SMC2: variants seen among roughly 807,000 people sequenced by gnomAD.
SMC2 encodes the protein structural maintenance of chromosomes protein 2.
SMC2 carries 41 observed loss-of-function variants against 142.6 expected under a neutral mutation model. The ratio of observed to expected loss-of-function variants is 0.29; its 90% CI spans 0.22 to 0.37. The LOEUF (loss-of-function observed/expected upper bound fraction) is 0.37. Among genes scored for constraint, SMC2 ranks in the 10% least tolerant of loss-of-function variants. The pLI, the probability that SMC2 is intolerant of heterozygous loss-of-function variation, is 1.00. For synonymous variants in SMC2, 463 were observed against 457.5 expected, an observed-to-expected ratio of 1.01 and a Z score of -0.15; for missense variants, 1,265 against 1,373.7, an observed-to-expected ratio of 0.92 and a Z score of 1.25.
intron 22 of SMC2, among the ~76,000 whole-genome samples, chr9:104,132,501 T>G (rs898501990): frequency 6.6e-6 from 1 of 152,110 alleles, no homozygotes; most frequent in Non-Finnish European, 1.5e-5. Flanking sequence ...GATAATTCCT[T>G]AGCCTCTCAT....
intron 3 of SMC2, 46 bp from the exon 4 acceptor site, chr9:104,098,400 A>C: frequency 6.7e-7 from 1 of 1,482,110 alleles, no homozygotes; most frequent in Non-Finnish European, 9.1e-7. Context: ...TCCTAGCACA[A>C]GGTGTGCATG....
chr9:104,128,827 T>A (rs1311594831), intron 20 of SMC2, among the ~76,000 whole-genome samples: 1 of 152,082 alleles, frequency 6.6e-6, no homozygotes, highest in Non-Finnish European at 1.5e-5. Flanking sequence ...TTTCAAAAGG[T>A]GGGGAGCAGG....
intron 16 of SMC2, among the ~76,000 whole-genome samples, chr9:104,122,612 AC>A (rs1479650900): frequency 6.6e-6 from 1 of 152,288 alleles, no homozygotes; most frequent in Non-Finnish European, 1.5e-5. Context: ...GGATAGAATT[AC>A]AAAGTTTTCA....
chr9:104,114,792 C>T lies in SMC2; in HGVS notation c.1634C>T (p.Ala545Val), dbSNP rs753330404. ...GCAACCACAGCTTTAGAATTAGTGG[C>T]TGGAGAACGACTCTACAATGTTGTA... ...TSATTALELV[A>V]GERLYNVVVD... is the part of the protein sequence containing the mutation. Residue 545 changes from alanine to valine, a missense_variant, in exon 13 of 25, where the codon GCT (alanine) becomes GTT (valine). Transcript: ENST00000374793. 6.2e-7 allele frequency: 1 copy of T among 1,613,170 alleles called. No homozygotes were observed. Among genetic ancestry groups the T allele is most frequent in the Admixed American group, 1.7e-5 (1 of 59,998 alleles).
intron 16 of SMC2, among the ~76,000 whole-genome samples, chr9:104,121,420 C>T (rs1157308168): frequency 6.6e-6 from 1 of 152,062 alleles, no homozygotes; most frequent in Non-Finnish European, 1.5e-5. Flanking sequence ...TGTTGGAGCC[C>T]TGCAGTTCGA....
At position 104,113,462 on chromosome 9, in the gene SMC2, G is replaced by A. The variant is rs369822773; in HGVS notation, c.1401G>A (p.Lys467=). 7 of 1,600,202 alleles carry A rather than the reference G, an allele frequency of 4.4e-6. No individual in the cohort carries two copies. Among genetic ancestry groups the A allele is most frequent in the Non-Finnish European group, 6.0e-6 (7 of 1,175,160 alleles). ...LKEKLEAEMK[K]LNYEENKEES... ...AAAAACTTGAAGCTGAAATGAAAAA[G>A]CTAAATTATGAAGGTTTGCCTTTAA... The change falls in exon 11 of 25, where the codon AAG becomes AAA. Residue 467 remains lysine, a synonymous_variant. Transcript: ENST00000374793.
Position 104,114,691 on chromosome 9 carries a change from G to C in SMC2, c.1533G>C (p.Lys511Asn). 2 of 1,606,324 alleles carry C rather than the reference G, an allele frequency of 1.2e-6. No homozygotes were observed. The highest frequency in any genetic ancestry group is 2.2e-5 in the South Asian group (2 of 89,884). ...ATTTTTGTCAACTTTTGTATTTCAG[G>C]GATCCAGAGAAGAACTGGAATAGAA... ...ARFPNLRFAY[K>N]DPEKNWNRNC... The change falls in exon 13 of 25, where the codon AAG becomes AAC. Residue 511 changes from lysine to asparagine, a missense_variant and splice_region_variant. Around this residue, in one of 4 missense-constraint regions of SMC2, gnomAD observed 898 missense variants for 904.2 expected, o/e 0.99. Coordinates refer to ENST00000374793, the MANE Select transcript of SMC2 (RefSeq NM_006444.3).
At position 104,113,456 on chromosome 9, in the gene SMC2, G is replaced by C. The variant is rs61762664; in HGVS notation, c.1395G>C (p.Met465Ile). Residue 465 changes from methionine (M) to isoleucine (I), a missense_variant, in exon 11 of 25, where the codon ATG becomes ATC. By Grantham distance (10) the Met-to-Ile change is conservative. Transcript: ENST00000374793. ...KRLKEKLEAE[M>I]KKLNYEENKE... Reference sequence around the variant, plus strand: ...TTAAAGAAAAACTTGAAGCTGAAATGAAAAAGCTAAATTATGAAGGTTTGC... The same window carrying C: ...TTAAAGAAAAACTTGAAGCTGAAATCAAAAAGCTAAATTATGAAGGTTTGC... 3.9e-5 allele frequency: 63 copies of C among 1,600,696 alleles called. No individual in the cohort carries two copies. The highest frequency in any genetic ancestry group is 5.1e-5 in the Non-Finnish European group (60 of 1,175,296).
chr9:104,106,725 C>T (rs7872754), intron 9 of SMC2, among the ~76,000 whole-genome samples: 8,623 of 152,210 alleles, frequency 0.057, 655 homozygotes, highest in African/African-American at 0.18. Flanking sequence ...ATTCGAGTCA[C>T]TAAGTTGCCC....
Position 104,126,622 on chromosome 9 carries a change from A to AATACTGTATTTTTTAT in SMC2, c.2452-17_2452-2dup, listed in dbSNP as rs779489900. The AATACTGTATTTTTTAT allele has an allele frequency of 1.3e-6, 2 of 1,591,458 alleles. No individual in the cohort carries two copies. The highest frequency in any genetic ancestry group is 1.1e-5 in the South Asian group (1 of 89,144). On this transcript the variant is annotated intron_variant, in intron 18 of 24. Transcript: ENST00000374793. ...AGTTAATAACCTATATGAATACCTGAATACTGTATTTTTTATAGGAAGTTG... is the reference window on the plus strand; with the variant it reads ...AGTTAATAACCTATATGAATACCTGAATACTGTATTTTTTATATACTGTATTTTTTATAGGAAGTTG...
intron 16 of SMC2, among the ~76,000 whole-genome samples, chr9:104,122,633 A>G (rs76648669): frequency 0.057 from 8,600 of 152,196 alleles, 642 homozygotes; most frequent in African/African-American, 0.18. Context: ...AAGAAAGTGC[A>G]TTTTAAACAA....
At chr9:104,136,231 T>A (rs1835514338) in intron 23 of SMC2, among the ~76,000 whole-genome samples, 1 of 152,170 alleles carries the variant, frequency 6.6e-6, no homozygotes, top group Admixed American at 6.5e-5. Context: ...GTCCTGTAAT[T>A]CCATCATGTA....
chr9:104,118,249 T>G lies in SMC2; in HGVS notation c.1870T>G (p.Phe624Val). The change falls in exon 15 of 25, where the codon TTT (phenylalanine) becomes GTT (valine). Residue 624 changes from phenylalanine to valine, a missense_variant. Around this residue, in one of 4 missense-constraint regions of SMC2, gnomAD observed 898 missense variants for 904.2 expected, o/e 0.99. Transcript: ENST00000374793. Reference protein sequence around the residue: ...PELQKAMEFVFGTTFVCDNMD... With the variant: ...PELQKAMEFVVGTTFVCDNMD... The stretch of plus-strand genomic sequence containing the variant: ...ACTTCAGAAAGCAATGGAGTTTGTC[T>G]TTGGAACAACATTTGTTTGTGACAA... 1 of 1,613,838 alleles carries G rather than the reference T, an allele frequency of 6.2e-7. No individual in the cohort carries two copies. The highest frequency in any genetic ancestry group is 8.5e-7 in the Non-Finnish European group (1 of 1,179,804).
At chr9:104,119,133 C>G (rs1185546298) in intron 15 of SMC2, among the ~76,000 whole-genome samples, 1 of 152,038 alleles carries the variant, frequency 6.6e-6, no homozygotes, top group Non-Finnish European at 1.5e-5. Flanking sequence ...AAAACATTAG[C>G]CGGTTCAGTG....
chr9:104,122,140 A>G (rs1220361350), intron 16 of SMC2, among the ~76,000 whole-genome samples: 1 of 152,220 alleles, frequency 6.6e-6, no homozygotes, highest in Non-Finnish European at 1.5e-5. Context: ...AGCTCTAACA[A>G]GGTGATGAGT....
In SMC2 at chr9:104,126,699, A is replaced by G. The variant is rs781366175; in HGVS notation, c.2510A>G (p.Lys837Arg). Residue 837 changes from lysine (K) to arginine (R), a missense_variant, in exon 19 of 25, where the codon AAA becomes AGA. Coordinates refer to ENST00000374793, the MANE Select transcript of SMC2 (RefSeq NM_006444.3). ...EELKREHTSY[K>R]QQLEAVNEAI... Reference sequence around the variant, plus strand: ...CTCAAGAGAGAGCATACATCTTACAAACAACAGCTTGAAGCTGTAAATGAA... The same window carrying G: ...CTCAAGAGAGAGCATACATCTTACAGACAACAGCTTGAAGCTGTAAATGAA... The G allele has an allele frequency of 9.6e-5, 155 of 1,612,814 alleles. No homozygotes were observed. The highest frequency in any genetic ancestry group is 1.2e-4 in the Non-Finnish European group (147 of 1,179,540).
chr9:104,128,941 CTTAAGTA>C (rs1266829215), intron 20 of SMC2, among the ~76,000 whole-genome samples: 1 of 152,074 alleles, frequency 6.6e-6, no homozygotes, highest in Non-Finnish European at 1.5e-5. Context: ...AAATCTATGA[CTTAAGTA>C]TTAAAAGAGT....
At chr9:104,094,209 G>T (rs1320152122), upstream of SMC2, 4 of 394,638 alleles carry the variant, frequency 1.0e-5, no homozygotes, top group African/African-American at 2.1e-5. Context: ...TTAATCCTTC[G>T]AGTGTAGGGG....
Position 104,111,755 on chromosome 9 carries a change from G to T in SMC2, c.1195G>T (p.Ala399Ser). The T allele has an allele frequency of 6.2e-7, 1 of 1,614,064 alleles. No homozygotes were observed. Among genetic ancestry groups the T allele is most frequent in the East Asian group, 2.2e-5 (1 of 44,870 alleles). ...TGAAGATGGAGCAGAAGCAACTCTT[G>T]CTGGTCAAATGATGGCCTGTAAAAA... ...SNEDGAEATL[A>S]GQMMACKNDI... Residue 399 changes from alanine to serine, a missense_variant, in exon 10 of 25, where the codon GCT becomes TCT. Transcript: ENST00000374793.
Sources: gnomAD v4.1 joint callset for allele counts (sites outside exome capture counted in the v4.1 genomes callset) on GRCh38, gnomAD v4.1.1 for gene constraint, gnomAD v4.1.1 regional missense constraint, MANE v1.5 for transcripts, NCBI Gene and HGNC (gene_info 2026-07-23, HGNC 2026-07-21) for gene names.